The following STK32B variants were observed in gnomAD, a reference collection of about 807,000 sequenced individuals.
STK32B encodes the protein serine/threonine kinase 32B.
In STK32B, 43 loss-of-function variants were observed where a neutral mutation model predicts 52.6. The observed-to-expected ratio is 0.82, with a 90% CI of 0.64 to 1.05. The LOEUF (loss-of-function observed/expected upper bound fraction) is 1.05, where lower values mean the gene tolerates loss of function less well. Among genes scored for constraint, STK32B ranks in the 50% least tolerant of loss-of-function variants. STK32B has a pLI of 0.00. For synonymous variants in STK32B, 238 were observed against 204.3 expected, an observed-to-expected ratio of 1.17 and a Z score of -1.41; for missense variants, 621 against 534.6, an observed-to-expected ratio of 1.16 and a Z score of -1.59.
chr4:5,198,908 G>GTTT (rs1316672561), intron 3 of STK32B, among the ~76,000 whole-genome samples: 1,576 of 152,286 alleles, frequency 0.01, 25 homozygotes, highest in African/African-American at 0.035. Context: ...AGAGGTGGCT[G>GTTT]ATCCTGTCTT....
chr4:5,369,232 C>T (rs1735073489), intron 4 of STK32B, among the ~76,000 whole-genome samples: 1 of 151,906 alleles, frequency 6.6e-6, no homozygotes, highest in Admixed American at 6.6e-5. Flanking sequence ...TAGAGAACCA[C>T]ACCCTAAGCA....
chr4:5,199,807 C>T (rs189656538), intron 3 of STK32B, among the ~76,000 whole-genome samples: 144 of 152,082 alleles, frequency 9.5e-4, no homozygotes, highest in East Asian at 5.8e-4. Flanking sequence ...AAAACCCTGC[C>T]CTCTGCTCGT....
At chr4:5,392,952 A>G (rs1736675707) in intron 4 of STK32B, among the ~76,000 whole-genome samples, 1 of 152,190 alleles carries the variant, frequency 6.6e-6, no homozygotes. Flanking sequence ...GAAGCAGGAG[A>G]CAGAAGGGAG....
At chr4:5,035,845 G>C in the STK32B span, among the ~76,000 whole-genome samples, 6 of 150,330 alleles carry the variant, frequency 4.0e-5, no homozygotes, top group African/African-American at 1.5e-4. Context: ...GCAGTGGCGC[G>C]ATCTTGGCTC....
chr4:5,048,363 C>T (rs1340128205), upstream of STK32B, among the ~76,000 whole-genome samples: 3 of 148,206 alleles, frequency 2.0e-5, no homozygotes, highest in Non-Finnish European at 4.4e-5. Flanking sequence ...TGCGATGGCG[C>T]GATCTTGGCT....
At chr4:5,414,387 C>A (rs195105) in intron 5 of STK32B, among the ~76,000 whole-genome samples, 78,151 of 151,698 alleles carry the variant, frequency 0.52, 20,549 homozygotes, top group Middle Eastern at 0.73. Flanking sequence ...ATATTTCTAC[C>A]GCAAAACGTG....
chr4:5,267,418 A>G (rs998829308), intron 3 of STK32B, among the ~76,000 whole-genome samples: 5 of 152,080 alleles, frequency 3.3e-5, no homozygotes, highest in African/African-American at 4.8e-5. Flanking sequence ...ATTTTCTTAC[A>G]TGGAAGTTTG....
chr4:5,375,927 C>T (rs1735559479), intron 4 of STK32B, among the ~76,000 whole-genome samples: 1 of 152,180 alleles, frequency 6.6e-6, no homozygotes, highest in Non-Finnish European at 1.5e-5. Flanking sequence ...ACAGTTCAGA[C>T]CTTGGCTTAC....
chr4:5,157,033 G>A (rs574330472), intron 2 of STK32B, among the ~76,000 whole-genome samples: 23 of 152,078 alleles, frequency 1.5e-4, no homozygotes, highest in African/African-American at 4.6e-4. Context: ...AACCAATTTA[G>A]TGCCCAGACT....
intron 3 of STK32B, among the ~76,000 whole-genome samples, chr4:5,176,768 G>C (rs1291969274): frequency 6.6e-6 from 1 of 152,092 alleles, no homozygotes; most frequent in African/African-American, 2.4e-5. Flanking sequence ...TTGATCCTCT[G>C]TTCATGGTCC....
At chr4:5,446,608 C>T (rs1715454621) in intron 6 of STK32B, 65 bp from the exon 7 acceptor site, 1 of 1,374,778 alleles carries the variant, frequency 7.3e-7, no homozygotes, top group Non-Finnish European at 1.0e-6. Context: ...CTTGTCCCCT[C>T]TCTAAGGGGT....
At chr4:5,274,796 G>A (rs548899683) in intron 3 of STK32B, among the ~76,000 whole-genome samples, 6 of 152,010 alleles carry the variant, frequency 3.9e-5, no homozygotes, top group Admixed American at 6.5e-5. Flanking sequence ...TTCCATCGCC[G>A]TCCACCACTG....
intron 3 of STK32B, among the ~76,000 whole-genome samples, chr4:5,230,319 A>G (rs1020559243): frequency 6.6e-6 from 1 of 150,582 alleles, no homozygotes; most frequent in African/African-American, 2.5e-5. Context: ...CCTCCAGAGT[A>G]GCTGGGACTA....
chr4:5,425,444 C>G (rs971715559), intron 6 of STK32B, among the ~76,000 whole-genome samples: 1 of 146,658 alleles, frequency 6.8e-6, no homozygotes, highest in Non-Finnish European at 1.5e-5. Flanking sequence ...TGTCCATTAT[C>G]TTTCCTGAGA....
chr4:5,150,642 G>T (rs1462505620), intron 2 of STK32B, among the ~76,000 whole-genome samples: 1 of 151,924 alleles, frequency 6.6e-6, no homozygotes, highest in Non-Finnish European at 1.5e-5. Context: ...GTCAGCAGTA[G>T]ATTTGGTCAG....
At chr4:5,368,654 C>A (rs1735030926) in intron 4 of STK32B, among the ~76,000 whole-genome samples, 1 of 152,200 alleles carries the variant, frequency 6.6e-6, no homozygotes, top group African/African-American at 2.4e-5. Context: ...TCTCATGAGT[C>A]ATGAGTGAGT....
In STK32B at chr4:5,398,376, A is replaced by C; in HGVS notation, c.472+132A>C. The C allele has an allele frequency of 1.1e-6, 1 of 878,864 alleles. No individual in the cohort carries two copies. The highest frequency in any genetic ancestry group is 1.8e-6 in the Non-Finnish European group (1 of 562,746). 54.4% of individuals were successfully genotyped at this position (878,864 alleles called of 1,614,324 possible). A position where few individuals can be genotyped will look rare whatever the true frequency, so the allele number is the denominator to read the frequency against. On this transcript the variant is annotated intron_variant, in intron 5 of 11. Transcript: ENST00000282908. The surrounding 1 kb of genome is among the most constrained non-coding windows in gnomAD (Gnocchi z 4.9). The stretch of plus-strand genomic sequence containing the variant: ...TGGCTAGAAACCTTCTCTTGTTTCA[A>C]TCCTGGTGGATCAACATCTGTGTAA...
At chr4:5,150,899 A>G (rs1471990647) in intron 2 of STK32B, among the ~76,000 whole-genome samples, 2 of 152,150 alleles carry the variant, frequency 1.3e-5, no homozygotes, top group African/African-American at 2.4e-5. Context: ...AGGAAAATTG[A>G]GGCATTCCTT....
rs745780899 is a variant in STK32B, at chr4:5,400,308, T to G, written c.472+2064T>G. Among the ~76,000 whole-genome samples the G allele has an allele frequency of 2.6e-5, 4 of 152,134 alleles. No individual in the cohort carries two copies. The highest frequency in any genetic ancestry group is 4.4e-5 in the Non-Finnish European group (3 of 68,014). ...TCCATCCATCCCATTCCGCCTCCCTTTCTGTACCCATTCTCAGCCTCCACC... is the reference window on the plus strand; with the variant it reads ...TCCATCCATCCCATTCCGCCTCCCTGTCTGTACCCATTCTCAGCCTCCACC... On this transcript the variant is annotated intron_variant, in intron 5 of 11. Coordinates refer to ENST00000282908, the MANE Select transcript of STK32B (RefSeq NM_018401.3). The surrounding 1 kb of genome is among the most constrained non-coding windows in gnomAD (Gnocchi z 6.1).
Sources: gnomAD v4.1 joint callset for allele counts (sites outside exome capture counted in the v4.1 genomes callset) on GRCh38, gnomAD v4.1.1 for gene constraint, Gnocchi (gnomAD v3.1) non-coding constraint, MANE v1.5 for transcripts, NCBI Gene and HGNC (gene_info 2026-07-23, HGNC 2026-07-21) for gene names.